Variants in COL11A1 observed in about 807,000 individuals in gnomAD.
COL11A1 encodes collagen alpha-1(XI) chain.
In COL11A1, 74 loss-of-function variants were observed where a neutral mutation model predicts 265.2. That is an observed-to-expected ratio of 0.28 (90% CI 0.23 to 0.34). The LOEUF is 0.34. Among genes scored for constraint, COL11A1 ranks in the 10% least tolerant of loss-of-function variants. COL11A1 has a pLI of 1.00. For synonymous variants in COL11A1, 816 were observed against 727.6 expected (o/e 1.12, Z -1.96); for missense variants, 2,165 against 2,263.6 (o/e 0.96, Z 0.88).
chr1:103,047,015 A>G (rs1368933979), intron 4 of COL11A1, among the ~76,000 whole-genome samples: 4 of 152,078 alleles, frequency 2.6e-5, no homozygotes, highest in African/African-American at 4.8e-5. Flanking sequence ...GTAGCCTTGT[A>G]GTATAGTTTG....
intron 4 of COL11A1, among the ~76,000 whole-genome samples, chr1:103,074,146 A>AT (rs35638425): frequency 0.052 from 7,898 of 152,148 alleles, 216 homozygotes; most frequent in Middle Eastern, 0.092. Context: ...TGATCTTTAC[A>AT]TATTTTTTAA....
In COL11A1 at chr1:102,883,285, C is replaced by A. The variant is rs771436179; in HGVS notation, c.4885G>T (p.Gly1629Cys). The change falls in exon 64 of 67, where the codon GGT (glycine) becomes TGT (cysteine). Residue 1629 changes from glycine (G) to cysteine (C), a missense_variant. Transcript: ENST00000370096. ...DGEYWIDPNQ[G>C]CSGDSFKVYC... Reference sequence around the variant, plus strand: ...ACTTTGAAGGAATCTCCTGAGCAACCTTGGTTAGGATCAATCCAATATTCA... The same window carrying A: ...ACTTTGAAGGAATCTCCTGAGCAACATTGGTTAGGATCAATCCAATATTCA... 1.2e-6 allele frequency: 2 copies of A among 1,612,738 alleles called. No homozygotes were observed. The highest frequency in any genetic ancestry group is 1.7e-6 in the Non-Finnish European group (2 of 1,179,042).
At chr1:102,994,896 T>G (rs552702838) in intron 28 of COL11A1, among the ~76,000 whole-genome samples, 1 of 152,020 alleles carries the variant, frequency 6.6e-6, no homozygotes, top group Non-Finnish European at 1.5e-5. Flanking sequence ...ACAATCATGG[T>G]AGAAGGCAAA....
At chr1:102,910,155 T>C (rs1654475818) in intron 54 of COL11A1, among the ~76,000 whole-genome samples, 1 of 151,960 alleles carries the variant, frequency 6.6e-6, no homozygotes, top group Admixed American at 6.6e-5. Context: ...CACATATATG[T>C]CTCTTTTTTA....
intron 63 of COL11A1, among the ~76,000 whole-genome samples, chr1:102,884,805 C>G (rs1040937332): frequency 2.1e-4 from 32 of 152,240 alleles, no homozygotes; most frequent in African/African-American, 7.7e-4. Flanking sequence ...TCCAGTCGTC[C>G]GCTTGACCCT....
intron 9 of COL11A1, among the ~76,000 whole-genome samples, chr1:103,019,914 G>T (rs1666874917): frequency 6.7e-6 from 1 of 148,938 alleles, no homozygotes; most frequent in Admixed American, 6.7e-5. Context: ...CAAAGGACAT[G>T]AACTCATCAT....
At chr1:102,927,369 AAC>A (rs1656715567) in intron 46 of COL11A1, among the ~76,000 whole-genome samples, 1 of 152,186 alleles carries the variant, frequency 6.6e-6, no homozygotes, top group African/African-American at 2.4e-5. Flanking sequence ...AAAAAAGCTC[AAC>A]GTTTCCAAGG....
chr1:103,107,559 C>T (rs1674803027), intron 1 of COL11A1, among the ~76,000 whole-genome samples: 1 of 138,686 alleles, frequency 7.2e-6, no homozygotes, highest in Non-Finnish European at 1.5e-5. Context: ...TCTCTTATAT[C>T]CCCAAAACTA....
intron 57 of COL11A1, among the ~76,000 whole-genome samples, chr1:102,891,998 A>C (rs2100875625): frequency 6.6e-6 from 1 of 152,278 alleles, no homozygotes; most frequent in South Asian, 2.1e-4. Flanking sequence ...TACAAGTGAA[A>C]CTACGCAGGC....
At chr1:102,989,901 T>C (rs930143310) in intron 28 of COL11A1, among the ~76,000 whole-genome samples, 3 of 152,074 alleles carry the variant, frequency 2.0e-5, no homozygotes, top group African/African-American at 7.2e-5. Flanking sequence ...AAAGTAAATA[T>C]TTAGCCAGGT....
In COL11A1 at chr1:102,995,801, G is replaced by A. The variant is rs564921696; in HGVS notation, c.2340+63C>T. 7.2e-5 allele frequency: 96 copies of A among 1,333,526 alleles called. No homozygotes were observed. The South Asian group carries it at 1.0e-3, about 14-fold the overall frequency. 82.6% of individuals were successfully genotyped at this position (1,333,526 alleles called of 1,614,324 possible). ...ATATTCAAGAAATAAAATGTCTGTT[G>A]AATAAATTTAAATGTTAACATAATA... On this transcript the variant is annotated intron_variant, in intron 28 of 66. Coordinates refer to ENST00000370096, the MANE Select transcript of COL11A1 (RefSeq NM_001854.4).
intron 53 of COL11A1, among the ~76,000 whole-genome samples, chr1:102,913,408 T>C (rs1355249254): frequency 6.6e-6 from 1 of 152,208 alleles, no homozygotes; most frequent in East Asian, 1.9e-4. Context: ...ATTAGTATAA[T>C]ATGATTACAC....
chr1:102,944,677 A>G (rs1157605008), intron 42 of COL11A1, among the ~76,000 whole-genome samples: 1 of 152,136 alleles, frequency 6.6e-6, no homozygotes, highest in African/African-American at 2.4e-5. Flanking sequence ...CTTTATTTCA[A>G]TAACTTACTT....
At chr1:102,967,986 G>C (rs1212274752) in intron 37 of COL11A1, among the ~76,000 whole-genome samples, 1 of 152,198 alleles carries the variant, frequency 6.6e-6, no homozygotes, top group Admixed American at 6.5e-5. Flanking sequence ...ATTTGTGTGA[G>C]TGATGGATTT....
At chr1:102,967,449 A>C (rs1290604677) in intron 37 of COL11A1, among the ~76,000 whole-genome samples, 3 of 151,646 alleles carry the variant, frequency 2.0e-5, no homozygotes, top group African/African-American at 7.3e-5. Flanking sequence ...ACCGTGTTAG[A>C]AAGGATGGTC....
chr1:102,967,227 C>CTTTTTTTATTTTTTTT (rs1661488574), intron 37 of COL11A1, among the ~76,000 whole-genome samples: 1 of 52,754 alleles, frequency 1.9e-5, no homozygotes, highest in Non-Finnish European at 3.1e-5. Context: ...ATAATAAATT[C>CTTTTTTTATTTTTTTT]TTTTTTTTTT....
At chr1:103,087,540 A>G (rs557572053) in intron 1 of COL11A1, among the ~76,000 whole-genome samples, 1 of 152,304 alleles carries the variant, frequency 6.6e-6, no homozygotes, top group South Asian at 2.1e-4. Flanking sequence ...CACTGAATGT[A>G]CAGTCTTAGC....
chr1:102,997,187 A>G, intron 25 of COL11A1, 63 bp from the exon 26 acceptor site: 9 of 1,355,370 alleles, frequency 6.6e-6, no homozygotes, highest in Non-Finnish European at 9.5e-6. Context: ...AATACTACGA[A>G]AGTATTTCTT....
intron 7 of COL11A1, among the ~76,000 whole-genome samples, chr1:103,025,138 C>G (rs1015255951): frequency 6.6e-6 from 1 of 152,154 alleles, no homozygotes; most frequent in African/African-American, 2.4e-5. Context: ...GAGTAAAATT[C>G]TAATTGTATC....
Sources: gnomAD v4.1 joint callset for allele counts (sites outside exome capture counted in the v4.1 genomes callset) on GRCh38, gnomAD v4.1.1 for gene constraint, MANE v1.5 for transcripts, NCBI Gene and HGNC (gene_info 2026-07-23, HGNC 2026-07-21) for gene names.